Variants in PDE4D observed in about 807,000 individuals in gnomAD.
PDE4D encodes the protein phosphodiesterase 4D.
A neutral mutation model predicts 87.4 loss-of-function variants in PDE4D; 24 were observed. That is an observed-to-expected ratio of 0.27 (90% CI 0.20 to 0.39). The LOEUF is 0.39. PDE4D is among the 10% of genes least tolerant of loss of function. The pLI, the probability that PDE4D is intolerant of heterozygous loss-of-function variation, is 1.00. For synonymous variants in PDE4D, 384 were observed against 383.2 expected, an observed-to-expected ratio of 1.00 and a Z score of -0.02; for missense variants, 714 against 1,041.0, an observed-to-expected ratio of 0.69 and a Z score of 4.32.
chr5:60,106,406 A>C (rs1041580180), intron 2 of PDE4D, among the ~76,000 whole-genome samples: 8 of 151,596 alleles, frequency 5.3e-5, no homozygotes, highest in Non-Finnish European at 1.0e-4. Context: ...CACAATAATA[A>C]TGGGAGACTT....
At chr5:59,926,813 A>G (rs1308937267) in intron 3 of PDE4D, among the ~76,000 whole-genome samples, 2 of 152,216 alleles carry the variant, frequency 1.3e-5, no homozygotes, top group Non-Finnish European at 2.9e-5. Flanking sequence ...CAACCTACCA[A>G]GATTGAACCA....
chr5:59,903,961 G>C (rs1277703893), intron 3 of PDE4D, among the ~76,000 whole-genome samples: 1 of 152,112 alleles, frequency 6.6e-6, no homozygotes, highest in African/African-American at 2.4e-5. Flanking sequence ...ATGACTTTTT[G>C]GCCAAGTTTT....
intron 1 of PDE4D, among the ~76,000 whole-genome samples, chr5:59,773,058 T>C (rs1273545248): frequency 6.6e-6 from 1 of 152,186 alleles, no homozygotes; most frequent in African/African-American, 2.4e-5. Flanking sequence ...GAGTGCCTGG[T>C]ACAGAATAAC....
chr5:59,939,272 T>G (rs1445998258), intron 3 of PDE4D, among the ~76,000 whole-genome samples: 1 of 152,204 alleles, frequency 6.6e-6, no homozygotes, highest in Non-Finnish European at 1.5e-5. Context: ...CCTAACTTAT[T>G]CTAACTAAAG....
intron 1 of PDE4D, among the ~76,000 whole-genome samples, chr5:59,757,835 G>A (rs1761467288): frequency 6.6e-6 from 1 of 152,012 alleles, no homozygotes; most frequent in Admixed American, 6.6e-5. Context: ...TGAATCAAAT[G>A]TTCTCCATTG....
At chr5:59,046,214 G>A (rs1005792316) in intron 5 of PDE4D, among the ~76,000 whole-genome samples, 5 of 149,716 alleles carry the variant, frequency 3.3e-5, no homozygotes, top group Admixed American at 2.7e-4. Flanking sequence ...GAACTAATCT[G>A]TGCCTCATCT....
intron 1 of PDE4D, among the ~76,000 whole-genome samples, chr5:59,754,713 T>A (rs924372967): frequency 6.6e-6 from 1 of 151,428 alleles, no homozygotes; most frequent in Non-Finnish European, 1.5e-5. Flanking sequence ...CATTGAGACA[T>A]ACTTTTTAAA....
At chr5:60,302,883 T>A (rs1198276086) in intron 1 of PDE4D, among the ~76,000 whole-genome samples, 2 of 152,186 alleles carry the variant, frequency 1.3e-5, no homozygotes, top group Non-Finnish European at 2.9e-5. Context: ...CAGGCTGGAG[T>A]GCAGTGGCAC....
intron 1 of PDE4D, among the ~76,000 whole-genome samples, chr5:59,540,225 T>C (rs959428124): frequency 6.6e-6 from 1 of 152,188 alleles, no homozygotes; most frequent in African/African-American, 2.4e-5. Context: ...CATTTTGACA[T>C]GTGCTGTCCT....
At chr5:59,685,982 G>A (rs1749796972) in intron 1 of PDE4D, among the ~76,000 whole-genome samples, 1 of 152,046 alleles carries the variant, frequency 6.6e-6, no homozygotes, top group East Asian at 1.9e-4. Flanking sequence ...GACATTCATC[G>A]CAGCTTAGAC....
chr5:59,970,115 G>T (rs975640153), intron 3 of PDE4D, among the ~76,000 whole-genome samples: 5 of 152,168 alleles, frequency 3.3e-5, no homozygotes, highest in Non-Finnish European at 7.3e-5. Context: ...TTAGCACTAG[G>T]TGTGAGGGAG....
chr5:59,998,490 C>T (rs1049644389), intron 2 of PDE4D, among the ~76,000 whole-genome samples: 1 of 151,870 alleles, frequency 6.6e-6, no homozygotes, highest in Non-Finnish European at 1.5e-5. Context: ...ACAAACAAAA[C>T]CAAAATGTTT....
At chr5:59,056,094 G>T (rs2936203) in intron 5 of PDE4D, among the ~76,000 whole-genome samples, 1 of 152,008 alleles carries the variant, frequency 6.6e-6, no homozygotes, top group African/African-American at 2.4e-5. Context: ...TCCATGCCCC[G>T]CCTCCACCTG....
At chr5:59,416,415 G>A (rs535384242) in intron 1 of PDE4D, among the ~76,000 whole-genome samples, 24 of 152,166 alleles carry the variant, frequency 1.6e-4, no homozygotes, top group Middle Eastern at 3.4e-3. Context: ...ATGGGGGTTC[G>A]TTCGTAGTCT....
rs1393028062 is a variant in PDE4D at position 59,637,568 on chromosome 5, T to TA, written c.455+255599dup. On this transcript the variant is annotated intron_variant, in intron 1 of 14. Coordinates refer to ENST00000340635, the MANE Select transcript of PDE4D (RefSeq NM_001104631.2). ...TACACCATGGAATACTTTGCAGACA[T>TA]AAAAAAAAAAAAATGAGTTCATGTC... 5.8e-3 allele frequency among the ~76,000 whole-genome samples: 821 copies of TA among 141,258 alleles called. 5 individuals are homozygous for TA. Among genetic ancestry groups the TA allele is most frequent in the African/African-American group, 0.017 (662 of 38,868 alleles). 92.7% of individuals were successfully genotyped at this position (141,258 alleles called of 152,430 possible). A position where few individuals can be genotyped will look rare whatever the true frequency, so the allele number is the denominator to read the frequency against.
chr5:60,464,128 A>C (rs1190180239), intron 1 of PDE4D, among the ~76,000 whole-genome samples: 3 of 152,190 alleles, frequency 2.0e-5, no homozygotes, highest in Admixed American at 2.0e-4. Context: ...CAGAAGAACA[A>C]ATCAATGTCT....
At chr5:60,366,922 T>C (rs1391667647) in intron 1 of PDE4D, among the ~76,000 whole-genome samples, 2 of 152,196 alleles carry the variant, frequency 1.3e-5, no homozygotes, top group Admixed American at 6.5e-5. Flanking sequence ...ATCTCTTAAA[T>C]GAAACAGATT....
At chr5:59,019,552 C>A (rs2153373437) in intron 6 of PDE4D, among the ~76,000 whole-genome samples, 1 of 152,224 alleles carries the variant, frequency 6.6e-6, no homozygotes, top group South Asian at 2.1e-4. Flanking sequence ...AGGCTCACTC[C>A]TCCAGAATGC....
At chr5:59,437,348 T>C (rs1453746887) in intron 1 of PDE4D, among the ~76,000 whole-genome samples, 1 of 152,172 alleles carries the variant, frequency 6.6e-6, no homozygotes, top group Non-Finnish European at 1.5e-5. Flanking sequence ...CTTTCATCCT[T>C]AAAAAGCATA....
Sources: allele counts gnomAD v4.1 joint callset (sites outside exome capture counted in the v4.1 genomes callset), GRCh38; gene constraint gnomAD v4.1.1; transcripts MANE v1.5; gene names NCBI Gene and HGNC (gene_info 2026-07-23, HGNC 2026-07-21).